Variants in VNN1 observed in about 807,000 individuals in gnomAD.
VNN1 encodes the protein pantetheinase.
A neutral mutation model predicts 41.9 loss-of-function variants in VNN1; 29 were observed. The observed-to-expected ratio is 0.69, with a 90% CI of 0.52 to 0.94. The LOEUF (loss-of-function observed/expected upper bound fraction) is 0.94. Among genes scored for constraint, VNN1 ranks in the 40% least tolerant of loss-of-function variants. The pLI, the probability that VNN1 is intolerant of heterozygous loss-of-function variation, is 0.00. For missense variants in VNN1, 637 were observed against 621.1 expected, an observed-to-expected ratio of 1.03 and a Z score of -0.27; for synonymous variants, 233 against 224.4, an observed-to-expected ratio of 1.04 and a Z score of -0.34.
chr6:132,711,602 G>A, intron 2 of VNN1, 107 bp downstream of exon 2: 1 of 1,322,386 alleles, frequency 7.6e-7, no homozygotes. Context: ...AAGCTATACT[G>A]AAACTTAAGA....
chr6:132,695,025 G>A (rs142942683), intron 2 of VNN1, among the ~76,000 whole-genome samples: 10 of 152,208 alleles, frequency 6.6e-5, no homozygotes, highest in Middle Eastern at 3.4e-3. Flanking sequence ...GGTGGCGTGC[G>A]CCTATAATCC....
At chr6:132,695,668 T>C (rs966162188) in intron 2 of VNN1, among the ~76,000 whole-genome samples, 30 of 152,178 alleles carry the variant, frequency 2.0e-4, no homozygotes, top group African/African-American at 7.2e-4. Context: ...TTATTTATTT[T>C]CTCTTTTTCT....
At chr6:132,711,912 C>T (rs962878330) in intron 1 of VNN1, 73 bp from the exon 2 acceptor site, 1 of 1,528,050 alleles carries the variant, frequency 6.5e-7, no homozygotes, top group African/African-American at 1.4e-5. Flanking sequence ...TGAGTAACAA[C>T]TATTTGGGCT....
chr6:132,703,110 C>G (rs1778471103), intron 2 of VNN1, among the ~76,000 whole-genome samples: 1 of 152,126 alleles, frequency 6.6e-6, no homozygotes, highest in Non-Finnish European at 1.5e-5. Context: ...ATTTCTAGAC[C>G]CACCCTGAGC....
chr6:132,714,044 C>G lies in VNN1; in HGVS notation c.-9G>C, dbSNP rs754322202. ...GGCAACTGAGTAGTCATGCTGAAGT[C>G]CAATGAGTGCTGAAAAACAGAGCAT... On this transcript the variant is annotated 5_prime_UTR_variant, in exon 1 of 7. Coordinates refer to ENST00000367928, the MANE Select transcript of VNN1 (RefSeq NM_004666.3). 1 of 1,604,694 alleles carries G rather than the reference C, an allele frequency of 6.2e-7. No homozygotes were observed. The highest frequency in any genetic ancestry group is 8.5e-7 in the Non-Finnish European group (1 of 1,174,550).
At chr6:132,713,777 C>T in intron 1 of VNN1, 49 bp downstream of exon 1, 1 of 1,595,240 alleles carries the variant, frequency 6.3e-7, no homozygotes, top group Non-Finnish European at 8.6e-7. Context: ...CTAGGACCCC[C>T]TCCTTTCTCA....
chr6:132,706,136 A>G (rs917520915), intron 2 of VNN1, among the ~76,000 whole-genome samples: 4 of 152,188 alleles, frequency 2.6e-5, no homozygotes, highest in Non-Finnish European at 5.9e-5. Flanking sequence ...TACCAATGTC[A>G]TTCTTCACAG....
chr6:132,710,536 C>T (rs567691946), intron 2 of VNN1, among the ~76,000 whole-genome samples: 8 of 152,250 alleles, frequency 5.3e-5, no homozygotes, highest in South Asian at 2.1e-4. Context: ...CCCGACTCCC[C>T]GACAGGCCCC....
rs1004343979 is a variant in VNN1, at chr6:132,682,017, G to A, written c.*1123C>T. Reference sequence around the variant, plus strand: ...CTCAGAGTCTATCAGTCAGTTGGGAGATATTTTGGCTTAAATGATGTTGTT... The same window carrying A: ...CTCAGAGTCTATCAGTCAGTTGGGAAATATTTTGGCTTAAATGATGTTGTT... On this transcript the variant is annotated 3_prime_UTR_variant, in exon 7 of 7. Coordinates refer to ENST00000367928, the MANE Select transcript of VNN1 (RefSeq NM_004666.3). The A allele has an allele frequency of 1.3e-5, 2 of 152,214 alleles. No individual in the cohort carries two copies. The highest frequency in any genetic ancestry group is 4.8e-5 in the African/African-American group (2 of 41,448). The allele number at this position is 152,214 out of a possible 1,614,324, so 9.4% of individuals were successfully genotyped here.
At chr6:132,703,533 C>T (rs1050729118) in intron 2 of VNN1, among the ~76,000 whole-genome samples, 3 of 151,916 alleles carry the variant, frequency 2.0e-5, no homozygotes, top group Admixed American at 6.6e-5. Context: ...AGCTGCATAA[C>T]ATCAAATCAA....
chr6:132,705,250 G>A (rs1306332030), intron 2 of VNN1, among the ~76,000 whole-genome samples: 1 of 152,038 alleles, frequency 6.6e-6, no homozygotes, highest in African/African-American at 2.4e-5. Flanking sequence ...CATCCCTGAT[G>A]AACATTGATG....
intron 2 of VNN1, among the ~76,000 whole-genome samples, chr6:132,702,077 G>C (rs904405795): frequency 3.3e-5 from 5 of 152,208 alleles, no homozygotes; most frequent in African/African-American, 1.2e-4. Context: ...AGGCAGTCTA[G>C]GCCAGGGGTT....
At chr6:132,709,557 G>A (rs932323280) in intron 2 of VNN1, among the ~76,000 whole-genome samples, 7 of 152,018 alleles carry the variant, frequency 4.6e-5, no homozygotes, top group Middle Eastern at 3.4e-3. Context: ...TGTCATCTTC[G>A]GGAGGCTGAG....
At chr6:132,712,594 A>C (rs1219966097) in intron 1 of VNN1, among the ~76,000 whole-genome samples, 1 of 152,084 alleles carries the variant, frequency 6.6e-6, no homozygotes, top group African/African-American at 2.4e-5. Context: ...TAATAACTTA[A>C]ATATTCTGTT....
rs1778300647 is a variant in VNN1 at position 132,692,265 on chromosome 6, T to G, written c.1146A>C (p.Ala382=). The G allele has an allele frequency of 6.2e-7, 1 of 1,609,386 alleles. No individual in the cohort carries two copies. The highest frequency in any genetic ancestry group is 1.3e-5 in the African/African-American group (1 of 74,714). Residue 382 remains alanine, a synonymous_variant, in exon 5 of 7, where the codon GCA becomes GCC. Coordinates refer to ENST00000367928, the MANE Select transcript of VNN1 (RefSeq NM_004666.3). ...CTTCCACAGTGTGCAGTCCGTCAAA[T>G]GCCCCTAGAGCGTACACTTCATTTG... ...NIPNEVYALG[A]FDGLHTVEGR...
rs147897760 is a variant in VNN1, at chr6:132,681,038, T to C, written c.*2102A>G. 5.3e-5 allele frequency among the ~76,000 whole-genome samples: 8 copies of C among 152,256 alleles called. No homozygotes were observed. Among genetic ancestry groups the C allele is most frequent in the African/African-American group, 1.9e-4 (8 of 41,532 alleles). ...CAGATATAAATATAAATACATATAT[T>C]CACTATGATAGCATCCAAAATGGCC... is the stretch of plus-strand genomic sequence containing the variant. On this transcript the variant is annotated 3_prime_UTR_variant, in exon 7 of 7. Transcript: ENST00000367928.
At chr6:132,695,108 T>C (rs1778350825) in intron 2 of VNN1, among the ~76,000 whole-genome samples, 1 of 152,114 alleles carries the variant, frequency 6.6e-6, no homozygotes, top group Admixed American at 6.5e-5. Flanking sequence ...GCTGAGATCA[T>C]GCCATTGCAC....
rs1778319640 is a variant in VNN1, at chr6:132,693,296, T to A, written c.554A>T (p.Glu185Val). 2 of 1,605,268 alleles carry A rather than the reference T, an allele frequency of 1.2e-6. No homozygotes were observed. The highest frequency in any genetic ancestry group is 2.2e-5 in the South Asian group (2 of 89,480). Residue 185 changes from glutamate (E) to valine (V), a missense_variant, in exon 4 of 7, where the codon GAA (glutamate) becomes GTA (valine). Transcript: ENST00000367928. ...CTCCTTGGGTACATTGAATTGATTTTCACCCATGAAAAGGTTTTGCTGCAA... is the reference window on the plus strand; with the variant it reads ...CTCCTTGGGTACATTGAATTGATTTACACCCATGAAAAGGTTTTGCTGCAA... ...RYHKQNLFMG[E>V]NQFNVPKEPE...
chr6:132,703,980 A>T (rs932890186), intron 2 of VNN1, among the ~76,000 whole-genome samples: 1 of 152,162 alleles, frequency 6.6e-6, no homozygotes, highest in African/African-American at 2.4e-5. Context: ...TTATATAATG[A>T]TAAAGAGGTC....
Sources: allele counts gnomAD v4.1 joint callset (sites outside exome capture counted in the v4.1 genomes callset), GRCh38; gene constraint gnomAD v4.1.1; transcripts MANE v1.5; gene names NCBI Gene and HGNC (gene_info 2026-07-23, HGNC 2026-07-21).